The following TNNT1 variants were observed in gnomAD, a reference collection of about 807,000 sequenced individuals.
TNNT1 encodes the protein troponin T, slow skeletal muscle.
A neutral mutation model predicts 50.6 loss-of-function variants in TNNT1; 53 were observed. The observed-to-expected ratio is 1.05, with a 90% CI of 0.84 to 1.32. The LOEUF (loss-of-function observed/expected upper bound fraction) is 1.32, where lower values mean the gene tolerates loss of function less well. TNNT1 is among the 40% of genes most tolerant of loss of function. The pLI is 0.00. For synonymous variants in TNNT1, 142 were observed against 138.0 expected (o/e 1.03, Z -0.20); for missense variants, 348 against 381.7 (o/e 0.91, Z 0.74).
chr19:55,142,033 C>T (rs771441195), intron 6 of TNNT1, 113 bp from the exon 7 acceptor site: 1 of 1,013,646 alleles, frequency 9.9e-7, no homozygotes. Flanking sequence ...GGCTCCTGAA[C>T]GTGGAGGGTC....
chr19:55,149,108 C>G (rs1175628362), intron 1 of TNNT1, 53 bp downstream of exon 1: 1 of 455,506 alleles, frequency 2.2e-6, no homozygotes, highest in East Asian at 7.0e-5. Context: ...CTCCTGCCCC[C>G]TCCCCCAAGG....
At chr19:55,134,398 G>A (rs906572947) in intron 11 of TNNT1, among the ~76,000 whole-genome samples, 194 bp from the exon 12 acceptor site, 2 of 151,978 alleles carry the variant, frequency 1.3e-5, no homozygotes, top group Admixed American at 6.6e-5. Context: ...AGAGAAGGGT[G>A]TCATGATTAA....
intron 9 of TNNT1, among the ~76,000 whole-genome samples, chr19:55,139,389 TG>T (rs1374118574): frequency 6.6e-6 from 1 of 152,244 alleles, no homozygotes; most frequent in East Asian, 1.9e-4. Flanking sequence ...ATCAGACATC[TG>T]AAATTGGTCC....
In TNNT1 at chr19:55,148,189, C is replaced by A. The variant is rs577246301; in HGVS notation, c.-12+972G>T. 35 of 152,130 alleles carry A rather than the reference C, an allele frequency of 2.3e-4. No homozygotes were observed. In the South Asian group the frequency reaches 5.8e-3, roughly 25 times the overall value. 9.4% of individuals were successfully genotyped at this position (152,130 alleles called of 1,614,324 possible). On this transcript the variant is annotated intron_variant, in intron 1 of 13. Transcript: ENST00000588981. ...CCCAGGAGCTATTTTGGGGGGATGTCATAGATGGTGAAACCGAGGACATTT... is the reference window on the plus strand; with the variant it reads ...CCCAGGAGCTATTTTGGGGGGATGTAATAGATGGTGAAACCGAGGACATTT...
intron 9 of TNNT1, among the ~76,000 whole-genome samples, chr19:55,139,495 T>C (rs547433273): frequency 1.9e-4 from 29 of 152,294 alleles, no homozygotes; most frequent in African/African-American, 6.7e-4. Flanking sequence ...GCTGCCTGCA[T>C]GTCTGGGCCC....
rs1165815914 is a variant in TNNT1, at chr19:55,141,909, A to T, written c.140T>A (p.Val47Glu). 6.2e-7 allele frequency: 1 copy of T among 1,613,940 alleles called. No individual in the cohort carries two copies. Among genetic ancestry groups the T allele is most frequent in the Non-Finnish European group, 8.5e-7 (1 of 1,179,974 alleles). Reference protein sequence around the residue: ...EERPKPSRPVVPPLIPPKIPE... With the variant: ...EERPKPSRPVEPPLIPPKIPE... Reference sequence around the variant, plus strand: ...GATCTTTGGCGGGATCAAAGGAGGCACCACGGGGCGGCTGAGTGGACAGAA... The same window carrying T: ...GATCTTTGGCGGGATCAAAGGAGGCTCCACGGGGCGGCTGAGTGGACAGAA... The change falls in exon 7 of 14, where the codon GTG becomes GAG. Residue 47 changes from valine (V) to glutamate (E), a missense_variant. Around this residue, in one of 3 missense-constraint regions of TNNT1, gnomAD observed 90 missense variants for 70.8 expected, o/e 1.27. Coordinates refer to ENST00000588981, the MANE Select transcript of TNNT1 (RefSeq NM_003283.6).
At chr19:55,140,096 C>A (rs1033459519) in intron 9 of TNNT1, among the ~76,000 whole-genome samples, 1 of 150,282 alleles carries the variant, frequency 6.7e-6, no homozygotes, top group Non-Finnish European at 1.5e-5. Context: ...GCACTCCAGC[C>A]TGGGTGACAG....
At position 55,143,246 on chromosome 19, in the gene TNNT1, C is replaced by T. The variant is rs917477707; in HGVS notation, c.129-1326G>A. Among the ~76,000 whole-genome samples, 8 of 151,816 alleles carry T rather than the reference C, an allele frequency of 5.3e-5. No individual in the cohort carries two copies. The East Asian group carries it at 5.9e-4, about 11-fold the overall frequency. On this transcript the variant is annotated intron_variant, in intron 6 of 13. Transcript: ENST00000588981. ...AACTTCTGAGCTCAAGTGATCCTCC[C>T]GCCTCAGCCTCCCAGAGTGCTGGGA...
rs182143334 is a variant in TNNT1, at chr19:55,145,847, C to A, written c.107-282G>T. 0.014 allele frequency among the ~76,000 whole-genome samples: 2,144 copies of A among 151,184 alleles called. 34 individuals are homozygous for A. Among genetic ancestry groups the A allele is most frequent in the Non-Finnish European group, 0.021 (1,414 of 67,796 alleles). ...CTGTCTGCACACCCAGGAGTGCAAA[C>A]CCCCAGACCTTTCTCTATTTATATG... On this transcript the variant is annotated intron_variant, in intron 5 of 13. Transcript: ENST00000588981.
rs756345217 is a variant in TNNT1, at chr19:55,141,262, A to C, written c.233T>G (p.Leu78Arg). The C allele has an allele frequency of 6.2e-7, 1 of 1,614,098 alleles. No homozygotes were observed. The highest frequency in any genetic ancestry group is 8.5e-7 in the Non-Finnish European group (1 of 1,180,046). The change falls in exon 8 of 14, where the codon CTG becomes CGG. Residue 78 changes from leucine (L) to arginine (R), a missense_variant. Leu to Arg is a moderately radical substitution (Grantham distance 102, BLOSUM62 -2). This residue lies in a region of TNNT1 where 253 missense variants were observed against 291.8 expected (regional missense o/e 0.87). Coordinates refer to ENST00000588981, the MANE Select transcript of TNNT1 (RefSeq NM_003283.6). ...RKRMEKDLLE[L>R]QTLIDVHFEQ... The stretch of plus-strand genomic sequence containing the variant: ...GAAATGTACATCGATGAGTGTCTGC[A>C]GCTCCAGCAGGTCTTTCTCCATGCG...
chr19:55,141,674 G>A (rs1446512703), intron 7 of TNNT1, among the ~76,000 whole-genome samples, 183 bp downstream of exon 7: 1 of 152,044 alleles, frequency 6.6e-6, no homozygotes, highest in Admixed American at 6.6e-5. Flanking sequence ...AGTAGAGACG[G>A]GGTTTCACCA....
intron 6 of TNNT1, among the ~76,000 whole-genome samples, chr19:55,144,887 T>G (rs1245116482): frequency 1.3e-5 from 2 of 151,844 alleles, no homozygotes; most frequent in Non-Finnish European, 2.9e-5. Context: ...GTTAGAAAAG[T>G]CTCTCTCGAG....
In TNNT1 at chr19:55,146,914, C is replaced by T. The variant is rs112296982; in HGVS notation, c.46+94G>A. On this transcript the variant is annotated intron_variant, in intron 3 of 13. Transcript: ENST00000588981. ...GGCGAGGGCCCGAGGGCTGAGCCGC[C>T]CCTTCCCCGCCAAAGTGCCACACTC... The T allele has an allele frequency of 4.8e-6, 7 of 1,460,372 alleles. No individual in the cohort carries two copies. The South Asian group carries it at 9.7e-5, about 20-fold the overall frequency. 90.5% of individuals were successfully genotyped at this position (1,460,372 alleles called of 1,614,324 possible). A position where few individuals can be genotyped will look rare whatever the true frequency, so the allele number is the denominator to read the frequency against.
At chr19:55,144,576 G>A (rs117197926) in intron 6 of TNNT1, among the ~76,000 whole-genome samples, 2,198 of 152,222 alleles carry the variant, frequency 0.014, 34 homozygotes, top group Non-Finnish European at 0.021. Context: ...GAGATGTGGG[G>A]GATCTCATTT....
At chr19:55,133,027 CTCA>C in intron 13 of TNNT1, 67 bp from the exon 14 acceptor site, 1 of 1,417,180 alleles carries the variant, frequency 7.1e-7, no homozygotes, top group Non-Finnish European at 9.8e-7. Flanking sequence ...GCCCCAGGCC[CTCA>C]ATTCAGGAAG....
chr19:55,140,343 C>G (rs1018531749), intron 9 of TNNT1, among the ~76,000 whole-genome samples: 3 of 151,626 alleles, frequency 2.0e-5, no homozygotes, highest in Non-Finnish European at 2.9e-5. Context: ...GTGGCGCAGC[C>G]TATATAGTTC....
chr19:55,141,979 C>T, intron 6 of TNNT1, 59 bp from the exon 7 acceptor site: 1 of 1,564,254 alleles, frequency 6.4e-7, no homozygotes, highest in African/African-American at 1.3e-5. Flanking sequence ...CCACCTCCCA[C>T]CTCCGGGATG....
rs763239378 is a variant in TNNT1, at chr19:55,137,167, C to T, written c.547G>A (p.Val183Met). ...TTCTTACGCTCGGAGAGGATGCGCA[C>T]CTTCATCTCCCGCCCCGTCTGCCGC... The part of the protein sequence containing the change: ...GKRQTGREMK[V>M]RILSERKKPL... The change falls in exon 11 of 14, where the codon GTG becomes ATG. Residue 183 changes from valine (V) to methionine (M), a missense_variant. Transcript: ENST00000588981. The T allele has an allele frequency of 6.2e-7, 1 of 1,613,398 alleles. No homozygotes were observed. Among genetic ancestry groups the T allele is most frequent in the Non-Finnish European group, 8.5e-7 (1 of 1,179,782 alleles).
chr19:55,146,769 C>G, intron 3 of TNNT1, 62 bp from the exon 4 acceptor site: 1 of 1,358,282 alleles, frequency 7.4e-7, no homozygotes, highest in South Asian at 1.5e-5. Flanking sequence ...GGGCGGTGGC[C>G]AGAGACCAGG....
Sources: gnomAD v4.1 joint callset for allele counts (sites outside exome capture counted in the v4.1 genomes callset) on GRCh38, gnomAD v4.1.1 for gene constraint, gnomAD v4.1.1 regional missense constraint, MANE v1.5 for transcripts, NCBI Gene and HGNC (gene_info 2026-07-23, HGNC 2026-07-21) for gene names.